PPP1R37: variants seen among roughly 807,000 people sequenced by gnomAD.
PPP1R37 encodes leucine rich repeat containing 68.
Under a neutral mutation model 61.0 loss-of-function variants are expected in PPP1R37, and 21 were observed. The ratio of observed to expected loss-of-function variants is 0.34; its 90% CI spans 0.24 to 0.50. The LOEUF (loss-of-function observed/expected upper bound fraction) is 0.50. PPP1R37 is among the 20% of genes least tolerant of loss of function. PPP1R37 has a pLI of 0.98. For synonymous variants in PPP1R37, 443 were observed against 433.5 expected (o/e 1.02, Z -0.27); for missense variants, 910 against 952.7 (o/e 0.96, Z 0.59).
chr19:45,095,903 G>T (rs1330964725), intron 1 of PPP1R37, among the ~76,000 whole-genome samples: 1 of 152,178 alleles, frequency 6.6e-6, no homozygotes, highest in Non-Finnish European at 1.5e-5. Context: ...TCCAGAGCAG[G>T]AAGGGGAAAG....
intron 1 of PPP1R37, chr19:45,128,737 A>G: frequency 3.8e-6 from 3 of 789,462 alleles, no homozygotes; most frequent in South Asian, 3.1e-5. Context: ...GTCAAGGTCC[A>G]CCTGGTTGGT....
intron 11 of PPP1R37, 136 bp downstream of exon 11, chr19:45,146,185 G>A: frequency 4.7e-6 from 5 of 1,056,150 alleles, no homozygotes; most frequent in Non-Finnish European, 6.7e-6. Flanking sequence ...GTGGGGCTTA[G>A]TTCTCATCTC....
chr19:45,094,259 C>T (rs1436673104), intron 1 of PPP1R37, among the ~76,000 whole-genome samples: 2 of 152,092 alleles, frequency 1.3e-5, no homozygotes, highest in African/African-American at 4.8e-5. Context: ...GTTGGGATTA[C>T]AGGTGTGAGC....
chr19:45,106,565 T>G (rs937555342), intron 1 of PPP1R37, among the ~76,000 whole-genome samples: 2 of 151,338 alleles, frequency 1.3e-5, no homozygotes, highest in African/African-American at 4.9e-5. Flanking sequence ...AGATGAGGTC[T>G]TCCTCTGTCG....
At position 45,121,761 on chromosome 19, in the gene PPP1R37, A is replaced by C. The variant is rs956717060; in HGVS notation, c.203-16753A>C. Among the ~76,000 whole-genome samples, 1 of 152,222 alleles carries C rather than the reference A, an allele frequency of 6.6e-6. No homozygotes were observed. Among genetic ancestry groups the C allele is most frequent in the South Asian group, 2.1e-4 (1 of 4,830 alleles). On this transcript the variant is annotated intron_variant, in intron 1 of 12. Transcript: ENST00000221462. The surrounding 1 kb of genome is among the most constrained non-coding windows in gnomAD (Gnocchi z 4.2). ...CTGTGGTTGCTCCAGGATTGGACTT[A>C]GAAATCTGGGTTTGACTACATATCA...
intron 11 of PPP1R37, 109 bp from the exon 12 acceptor site, chr19:45,146,281 G>T (rs1214383726): frequency 9.5e-7 from 1 of 1,052,738 alleles, no homozygotes; most frequent in Non-Finnish European, 1.4e-6. Context: ...CCATCTCAGC[G>T]GTCTCTGGGC....
intron 1 of PPP1R37, among the ~76,000 whole-genome samples, chr19:45,103,645 G>A (rs1968092111): frequency 6.6e-6 from 1 of 152,194 alleles, no homozygotes; most frequent in Non-Finnish European, 1.5e-5. Flanking sequence ...GGGTGGGAGA[G>A]TGGGGCTGCC....
intron 1 of PPP1R37, among the ~76,000 whole-genome samples, chr19:45,099,767 G>T (rs778850124): frequency 3.3e-5 from 5 of 152,278 alleles, no homozygotes; most frequent in Non-Finnish European, 7.3e-5. Flanking sequence ...CCGAAGGACT[G>T]GGGTGTTTTC....
At position 45,121,100 on chromosome 19, in the gene PPP1R37, G is replaced by A. The variant is rs767804947; in HGVS notation, c.203-17414G>A. Among the ~76,000 whole-genome samples, 2 of 152,074 alleles carry A rather than the reference G, an allele frequency of 1.3e-5. No homozygotes were observed. Among genetic ancestry groups the A allele is most frequent in the South Asian group, 2.1e-4 (1 of 4,822 alleles). ...CAATCGCTTAGTTTTGGGAGTGGGC[G>A]CAAAGTTACGGCTCCACCGGTAAAG... is the stretch of plus-strand genomic sequence containing the variant. On this transcript the variant is annotated intron_variant, in intron 1 of 12. Transcript: ENST00000221462. This position sits in a 1 kb window ranked among gnomAD's most constrained non-coding sequence, Gnocchi z 4.2.
intron 1 of PPP1R37, among the ~76,000 whole-genome samples, chr19:45,135,401 T>C (rs1968526847): frequency 2.0e-5 from 3 of 152,218 alleles, no homozygotes; most frequent in Admixed American, 2.0e-4. Flanking sequence ...ACCCTGGCAA[T>C]GGTGTGACAT....
At chr19:45,110,574 T>C (rs75419825) in intron 1 of PPP1R37, among the ~76,000 whole-genome samples, 3,194 of 152,276 alleles carry the variant, frequency 0.021, 86 homozygotes, top group African/African-American at 0.063. Flanking sequence ...TTGGGTGATT[T>C]GTTTGCCTTC....
Position 45,138,540 on chromosome 19 carries a change from A to C in PPP1R37, c.229A>C (p.Ile77Leu). The C allele has an allele frequency of 6.5e-7, 1 of 1,528,814 alleles. No homozygotes were observed. Among genetic ancestry groups the C allele is most frequent in the South Asian group, 1.2e-5 (1 of 83,958 alleles). 94.7% of individuals were successfully genotyped at this position (1,528,814 alleles called of 1,614,324 possible). Residue 77 changes from isoleucine to leucine, a missense_variant, in exon 2 of 13, where the codon ATC (isoleucine) becomes CTC (leucine). Transcript: ENST00000221462. The stretch of plus-strand genomic sequence containing the variant: ...CCAGAATGTGACCGTGGACGAGGTC[A>C]TCGGCGCCTACAAGCAGGCCTGCCA... ...HAQNVTVDEV[I>L]GAYKQACQKL...
intron 1 of PPP1R37, among the ~76,000 whole-genome samples, chr19:45,107,009 G>T (rs1425788758): frequency 6.6e-6 from 1 of 151,388 alleles, no homozygotes; most frequent in African/African-American, 2.4e-5. Context: ...GTAGAGACGG[G>T]ATTTCACCAT....
chr19:45,142,752 A>C, intron 7 of PPP1R37: 8 of 396,110 alleles, frequency 2.0e-5, no homozygotes, highest in Admixed American at 4.2e-5. Context: ...AATAATTACA[A>C]TCTGAAAAGA....
At chr19:45,138,675 A>G in intron 2 of PPP1R37, 64 bp downstream of exon 2, 1 of 1,223,048 alleles carries the variant, frequency 8.2e-7, no homozygotes, top group Admixed American at 2.0e-5. Flanking sequence ...GGGTGGAACC[A>G]GCCCAGCAGG....
chr19:45,124,284 G>T (rs957577066), intron 1 of PPP1R37, among the ~76,000 whole-genome samples: 3 of 152,110 alleles, frequency 2.0e-5, no homozygotes, highest in African/African-American at 7.2e-5. Flanking sequence ...ACCGTGTAAT[G>T]TGTAAAGGGG....
chr19:45,141,482 C>T (rs1357624399), intron 5 of PPP1R37, 41 bp downstream of exon 5: 56 of 752,392 alleles, frequency 7.4e-5, no homozygotes, highest in Non-Finnish European at 1.0e-4. Context: ...AGCTCAGGCT[C>T]CCAGCACGGG....
chr19:45,104,749 T>C (rs74331793), intron 1 of PPP1R37, among the ~76,000 whole-genome samples: 21,639 of 152,056 alleles, frequency 0.14, 1,721 homozygotes, highest in Non-Finnish European at 0.17. Context: ...AACCTGGCTC[T>C]TGCCACCATC....
intron 1 of PPP1R37, among the ~76,000 whole-genome samples, chr19:45,123,688 G>A (rs1968368077): frequency 6.6e-6 from 1 of 152,236 alleles, no homozygotes; most frequent in African/African-American, 2.4e-5. Context: ...GTTTGGCAGA[G>A]TGCCTGGTAG....
Sources: allele counts gnomAD v4.1 joint callset (sites outside exome capture counted in the v4.1 genomes callset), GRCh38; gene constraint gnomAD v4.1.1; non-coding constraint Gnocchi (gnomAD v3.1); transcripts MANE v1.5; gene names NCBI Gene and HGNC (gene_info 2026-07-23, HGNC 2026-07-21).